Variants in RFX8 observed in about 807,000 individuals in gnomAD.
RFX8 encodes the protein regulatory factor X8, also known as DNA-binding protein RFX8.
RFX8 carries 46 observed loss-of-function variants against 54.6 expected under a neutral mutation model. The ratio of observed to expected loss-of-function variants is 0.84; its 90% CI spans 0.67 to 1.08. The LOEUF (loss-of-function observed/expected upper bound fraction) is 1.08, where lower values mean the gene tolerates loss of function less well. RFX8 is among the 50% of genes least tolerant of loss of function. RFX8 has a pLI of 0.00. For missense variants in RFX8, 536 were observed against 562.3 expected, an observed-to-expected ratio of 0.95 and a Z score of 0.47; for synonymous variants, 192 against 209.5, an observed-to-expected ratio of 0.92 and a Z score of 0.72.
chr2:101,417,319 C>T (rs572408086), intron 6 of RFX8, among the ~76,000 whole-genome samples: 1 of 152,294 alleles, frequency 6.6e-6, no homozygotes, highest in East Asian at 1.9e-4. Flanking sequence ...ATCTTCCCGC[C>T]TCAGCCTTCT....
In RFX8 at chr2:101,422,407, A is replaced by T. The variant is rs997509087; in HGVS notation, c.138T>A (p.Cys46Ter). 2.3e-5 allele frequency: 35 copies of T among 1,549,546 alleles called. No homozygotes were observed. The highest frequency in any genetic ancestry group is 3.0e-5 in the Non-Finnish European group (34 of 1,145,094). Residue 46 changes from cysteine (C) to a stop codon, truncating the protein, a stop_gained, in exon 3 of 12, where the codon TGT becomes TGA. Transcript: ENST00000428343. LOFTEE classifies it high-confidence loss of function. Reference protein sequence around the residue: ...VGSPLSEFRRCPFLEQEQAKK... With the variant: ...VGSPLSEFRR ...TTGCCTGTTCTTGCTCCAGAAATGG[A>T]CATCTCCTGAATTCAGACAAAGGGG...
chr2:101,451,459 G>A (rs1392624864), intron 2 of RFX8, among the ~76,000 whole-genome samples: 5 of 151,920 alleles, frequency 3.3e-5, no homozygotes, highest in Admixed American at 2.6e-4. Context: ...AGGCTGAGAC[G>A]GGTGGATCAT....
At chr2:101,407,705 A>G (rs1186607630) in intron 9 of RFX8, among the ~76,000 whole-genome samples, 3 of 152,050 alleles carry the variant, frequency 2.0e-5, no homozygotes, top group Non-Finnish European at 4.4e-5. Context: ...TAAAAAAAAA[A>G]ACAAAACACA....
intron 4 of RFX8, chr2:101,421,307 GAC>G: frequency 1.0e-6 from 1 of 988,220 alleles, no homozygotes; most frequent in Non-Finnish European, 1.2e-6. Flanking sequence ...ATCCAATCGT[GAC>G]AATACCCATG....
chr2:101,435,831 T>TA (rs1687752742), intron 2 of RFX8, among the ~76,000 whole-genome samples: 2 of 62,078 alleles, frequency 3.2e-5, no homozygotes, highest in Admixed American at 1.2e-4. Flanking sequence ...TCATTTTCAT[T>TA]TAAAAAAATA....
intron 2 of RFX8, among the ~76,000 whole-genome samples, chr2:101,445,603 ATTTTTTG>A (rs1449902218): frequency 1.1e-4 from 16 of 151,454 alleles, no homozygotes; most frequent in African/African-American, 3.6e-4. Flanking sequence ...TTAATTTTAT[ATTTTTTG>A]AAGAGATGAG....
At chr2:101,443,611 A>G (rs1047478164) in intron 2 of RFX8, among the ~76,000 whole-genome samples, 1 of 152,164 alleles carries the variant, frequency 6.6e-6, no homozygotes, top group African/African-American at 2.4e-5. Flanking sequence ...GGGAAAGAAG[A>G]AGGTAGACTG....
At chr2:101,413,360 C>T (rs1361649151) in intron 7 of RFX8, among the ~76,000 whole-genome samples, 1 of 152,176 alleles carries the variant, frequency 6.6e-6, no homozygotes, top group African/African-American at 2.4e-5. Flanking sequence ...GCCCAAATGA[C>T]TCTAGCGAGG....
intron 6 of RFX8, among the ~76,000 whole-genome samples, chr2:101,416,355 T>A (rs1333692848): frequency 1.3e-5 from 2 of 152,184 alleles, no homozygotes; most frequent in African/African-American, 4.8e-5. Context: ...CAAGTCCCAG[T>A]CTCACCTTCT....
intron 2 of RFX8, among the ~76,000 whole-genome samples, chr2:101,443,974 C>T (rs888283502): frequency 2.6e-5 from 4 of 152,084 alleles, no homozygotes; most frequent in Non-Finnish European, 1.5e-5. Flanking sequence ...GATCAGCCTG[C>T]CTGCCAGTGC....
chr2:101,429,502 T>G (rs564679087), intron 2 of RFX8, among the ~76,000 whole-genome samples: 2 of 152,118 alleles, frequency 1.3e-5, no homozygotes, highest in Non-Finnish European at 2.9e-5. Flanking sequence ...ATGGAGAAAT[T>G]TATACATAAT....
chr2:101,466,691 C>A, intron 2 of RFX8, 86 bp downstream of exon 2: 1 of 979,568 alleles, frequency 1.0e-6, no homozygotes, highest in Non-Finnish European at 1.6e-6. Context: ...CCATTAGACT[C>A]AAATACATTG....
intron 11 of RFX8, among the ~76,000 whole-genome samples, chr2:101,398,623 TGGG>T (rs1039650025): frequency 6.6e-6 from 1 of 152,048 alleles, no homozygotes; most frequent in African/African-American, 2.4e-5. Context: ...ATTCGAGAGG[TGGG>T]GAGGTTCTAA....
At position 101,440,566 on chromosome 2, in the gene RFX8, A is replaced by G. The variant is rs534243711; in HGVS notation, c.73-18094T>C. Among the ~76,000 whole-genome samples, 10 of 152,292 alleles carry G rather than the reference A, an allele frequency of 6.6e-5. No individual in the cohort carries two copies. In the South Asian group the frequency reaches 2.1e-3, roughly 32 times the overall value. ...CTGGGGGAGGAGTGAACTTTGTATG[A>G]TCCCTCATGGGGGAGGGGAGAGCAC... On this transcript the variant is annotated intron_variant, in intron 2 of 11. Transcript: ENST00000428343.
intron 2 of RFX8, among the ~76,000 whole-genome samples, chr2:101,424,661 T>C (rs1687071428): frequency 6.6e-6 from 1 of 152,140 alleles, no homozygotes; most frequent in East Asian, 1.9e-4. Flanking sequence ...ATGTGGCACA[T>C]ATACACCACG....
At chr2:101,406,340 T>A (rs558374090) in intron 9 of RFX8, among the ~76,000 whole-genome samples, 2 of 138,672 alleles carry the variant, frequency 1.4e-5, no homozygotes, top group East Asian at 2.3e-4. Flanking sequence ...AAAAAGCAAA[T>A]TTTTTTTTTT....
chr2:101,415,550 C>T (rs1035455446), intron 6 of RFX8, among the ~76,000 whole-genome samples: 1 of 152,228 alleles, frequency 6.6e-6, no homozygotes. Flanking sequence ...CACTGCTTTC[C>T]TTGGAAAATA....
At chr2:101,447,485 G>A (rs1688454016) in intron 2 of RFX8, among the ~76,000 whole-genome samples, 1 of 152,174 alleles carries the variant, frequency 6.6e-6, no homozygotes, top group South Asian at 2.1e-4. Context: ...GCTCTTTGCT[G>A]CTTCTTCTTC....
intron 10 of RFX8, among the ~76,000 whole-genome samples, chr2:101,404,722 C>T (rs187586211): frequency 5.3e-5 from 8 of 152,132 alleles, no homozygotes; most frequent in South Asian, 2.1e-4. Flanking sequence ...CCACCACACC[C>T]GGCTCAGGGC....
Sources: allele counts gnomAD v4.1 joint callset (sites outside exome capture counted in the v4.1 genomes callset), GRCh38; gene constraint gnomAD v4.1.1; transcripts MANE v1.5; gene names NCBI Gene and HGNC (gene_info 2026-07-23, HGNC 2026-07-21).